The following GGT1 variants were observed in gnomAD, a reference collection of about 807,000 sequenced individuals.
GGT1 encodes glutathione hydrolase 1 proenzyme.
Under a neutral mutation model 56.0 loss-of-function variants are expected in GGT1, and 21 were observed. The ratio of observed to expected loss-of-function variants is 0.38; its 90% CI spans 0.27 to 0.54. The LOEUF (loss-of-function observed/expected upper bound fraction) is 0.54, where lower values mean the gene tolerates loss of function less well. GGT1 is among the 20% of genes least tolerant of loss of function. GGT1 has a pLI of 0.82. For missense variants in GGT1, 466 were observed against 787.0 expected, an observed-to-expected ratio of 0.59 and a Z score of 4.88; for synonymous variants, 238 against 342.6, an observed-to-expected ratio of 0.69 and a Z score of 3.37.
chr22:24,628,000 G>A, intron 13 of GGT1, 21 bp downstream of exon 13: 3 of 1,612,090 alleles, frequency 1.9e-6, no homozygotes, highest in South Asian at 1.1e-5. Context: ...GAGGTCCGGG[G>A]GTGGGGGACT....
At chr22:24,600,758 C>T (rs1382856920), upstream of GGT1, among the ~76,000 whole-genome samples, 1 of 152,216 alleles carries the variant, frequency 6.6e-6, no homozygotes, top group African/African-American at 2.4e-5. Flanking sequence ...GAGGCTGTGG[C>T]CAGGTACAGG....
chr22:24,590,945 G>A (rs892771511), upstream of GGT1, among the ~76,000 whole-genome samples: 4 of 152,074 alleles, frequency 2.6e-5, no homozygotes, highest in East Asian at 5.8e-4. Context: ...CCAAGATTCA[G>A]GCCTCCAGCC....
chr22:24,586,396 G>A, the GGT1 span: 1 of 1,612,654 alleles, frequency 6.2e-7, no homozygotes, highest in Non-Finnish European at 8.5e-7. Flanking sequence ...GAGTCTTCTG[G>A]AGGCTGCTCT....
chr22:24,626,618 C>T (rs1373800008), intron 11 of GGT1, among the ~76,000 whole-genome samples: 1 of 151,830 alleles, frequency 6.6e-6, no homozygotes. Flanking sequence ...TAGTCGGCGC[C>T]ATCCTTGATT....
At chr22:24,585,738 T>G in the GGT1 span, 2 of 948,104 alleles carry the variant, frequency 2.1e-6, no homozygotes, top group Non-Finnish European at 3.1e-6. Flanking sequence ...TGGCCACCTA[T>G]GAGTCCATTC....
At chr22:24,588,505 A>G in the GGT1 span, 2 of 757,412 alleles carry the variant, frequency 2.6e-6, no homozygotes, top group South Asian at 3.5e-5. Context: ...GTGGCCTGGC[A>G]CAGAGCCAGG....
intron 1 of GGT1, among the ~76,000 whole-genome samples, chr22:24,605,325 A>G (rs1322637933): frequency 1.7e-5 from 1 of 58,060 alleles, no homozygotes; most frequent in Non-Finnish European, 2.6e-5. Context: ...TATGTATTAT[A>G]TATTATATAA....
At chr22:24,593,092 C>A (rs372869454), upstream of GGT1, 15 of 1,034,422 alleles carry the variant, frequency 1.5e-5, no homozygotes, top group South Asian at 4.5e-5. Context: ...GTCTGCGCCC[C>A]GCTCCCGGGG....
Position 24,615,237 on chromosome 22 carries a change from A to AC in GGT1, c.382+116dup, listed in dbSNP as rs912566769. On this transcript the variant is annotated intron_variant, in intron 7 of 15. Transcript: ENST00000400382. Reference sequence around the variant, plus strand: ...GTCAGGGTTCAGGGGCAGTTCTGTCACCCCCCATCCCTTCCTGTCCCCATA... The same window carrying AC: ...GTCAGGGTTCAGGGGCAGTTCTGTCACCCCCCCATCCCTTCCTGTCCCCATA... The AC allele has an allele frequency of 2.9e-5, 21 of 721,950 alleles. 1 individual carries two copies. Among genetic ancestry groups the AC allele is most frequent in the Admixed American group, 2.9e-4 (12 of 41,692 alleles). 44.7% of individuals were successfully genotyped at this position (721,950 alleles called of 1,614,324 possible).
At chr22:24,613,220 C>T (rs1328975214) in intron 5 of GGT1, among the ~76,000 whole-genome samples, 2 of 152,042 alleles carry the variant, frequency 1.3e-5, no homozygotes, top group Non-Finnish European at 2.9e-5. Flanking sequence ...GGACTACAGG[C>T]GTGCATCACA....
rs1039194325 is a variant in GGT1 at position 24,603,268 on chromosome 22, T to C, written c.-688T>C. 6.6e-6 allele frequency: 1 copy of C among 152,428 alleles called. No individual in the cohort carries two copies. Among genetic ancestry groups the C allele is most frequent in the Admixed American group, 6.5e-5 (1 of 15,282 alleles). The allele number at this position is 152,428 out of a possible 1,614,324, so 9.4% of individuals were successfully genotyped here. On this transcript the variant is annotated 5_prime_UTR_variant, in exon 1 of 16. Transcript: ENST00000400382. The stretch of plus-strand genomic sequence containing the variant: ...GTGAGAGCAGTTGGCTGTGCCCCAG[T>C]GCTGTGTGACCCAGAGGCGCCGCTC...
the GGT1 span, chr22:24,588,470 C>A: frequency 1.3e-6 from 1 of 759,600 alleles, no homozygotes; most frequent in Non-Finnish European, 2.2e-6. Flanking sequence ...ACCAGGGCCT[C>A]CCCCTCCTAC....
the GGT1 span, chr22:24,585,768 G>T: frequency 1.8e-6 from 2 of 1,092,158 alleles, no homozygotes; most frequent in Non-Finnish European, 2.5e-6. Context: ...CTTAATCTCA[G>T]GCTGAGCATT....
At chr22:24,606,965 A>G (rs144665610) in intron 1 of GGT1, among the ~76,000 whole-genome samples, 3,031 of 95,306 alleles carry the variant, frequency 0.032, no homozygotes, top group African/African-American at 0.039. Context: ...GATGAGGGCC[A>G]CAGGGGAATG....
In GGT1 at chr22:24,620,964, C is replaced by T. The variant is rs1005364670; in HGVS notation, c.627C>T (p.Thr209=). The T allele has an allele frequency of 3.1e-6, 5 of 1,611,872 alleles. No individual in the cohort carries two copies. The African/African-American group carries it at 5.3e-5, about 17-fold the overall frequency. Residue 209 remains threonine (T), a synonymous_variant, in exon 9 of 16, where the codon ACC becomes ACT. Coordinates refer to ENST00000400382, the MANE Select transcript of GGT1 (RefSeq NM_001288833.2). The surrounding 1 kb of genome is among the most constrained non-coding windows in gnomAD (Gnocchi z 5.6). ...TGCTTCGGGAGGGGGAGAGACTGAC[C>T]CTGCCGCAGCTGGCTGACACCTACG... ...RKVLREGERL[T]LPQLADTYET... is the part of the protein sequence containing the mutation.
At chr22:24,586,194 G>T in the GGT1 span, 2 of 1,613,850 alleles carry the variant, frequency 1.2e-6, no homozygotes, top group Non-Finnish European at 1.7e-6. Flanking sequence ...CCGTTGAGCA[G>T]GAGCTGGGTG....
At chr22:24,590,889 T>C (rs996158981), upstream of GGT1, among the ~76,000 whole-genome samples, 8 of 151,872 alleles carry the variant, frequency 5.3e-5, no homozygotes, top group African/African-American at 1.9e-4. Flanking sequence ...TCCTCCTCTC[T>C]CCCCCAGCTC....
chr22:24,602,846 T>TC (rs1260600517), upstream of GGT1, among the ~76,000 whole-genome samples: 1 of 152,088 alleles, frequency 6.6e-6, no homozygotes, highest in Non-Finnish European at 1.5e-5. Flanking sequence ...TGCTTACATC[T>TC]CCAGCCCCTC....
chr22:24,605,220 ATATAATATGTATTATATTATATAT>A (rs2046025415), intron 1 of GGT1, among the ~76,000 whole-genome samples: 1 of 64,324 alleles, frequency 1.6e-5, no homozygotes, highest in Non-Finnish European at 2.6e-5. Flanking sequence ...ATTATATATT[ATATAATATGTATTATATTATATAT>A]TATATAATAT....
Sources: allele counts gnomAD v4.1 joint callset (sites outside exome capture counted in the v4.1 genomes callset), GRCh38; gene constraint gnomAD v4.1.1; non-coding constraint Gnocchi (gnomAD v3.1); transcripts MANE v1.5; gene names NCBI Gene and HGNC (gene_info 2026-07-23, HGNC 2026-07-21).